The following NMT2 variants were observed in gnomAD, a reference collection of about 807,000 sequenced individuals.
NMT2 encodes the protein glycylpeptide N-tetradecanoyltransferase 2.
In NMT2, 35 loss-of-function variants were observed where a neutral mutation model predicts 65.4. The observed-to-expected ratio is 0.54, with a 90% CI of 0.41 to 0.71. The LOEUF is 0.71. Ranked by LOEUF, NMT2 falls within the 30% of genes least tolerant of loss-of-function variation. The probability of loss-of-function intolerance (pLI) is 0.00; values close to 1 mark genes in which losing one functional copy is unlikely to be tolerated. For missense variants in NMT2, 489 were observed against 611.3 expected (o/e 0.80, Z 2.11); for synonymous variants, 226 against 231.8 (o/e 0.98, Z 0.23).
chr10:15,140,982 C>G (rs1346333777), intron 2 of NMT2: 2 of 1,550,732 alleles, frequency 1.3e-6, no homozygotes, highest in South Asian at 2.4e-5. Flanking sequence ...CAACGAGAGA[C>G]TTACCCATGG....
At chr10:15,161,226 TG>T (rs1564593896) in intron 1 of NMT2, among the ~76,000 whole-genome samples, 2 of 151,902 alleles carry the variant, frequency 1.3e-5, no homozygotes, top group Admixed American at 1.3e-4. Flanking sequence ...CTATGTATTA[TG>T]TGGGAGGGGA....
chr10:15,141,202 G>A (rs1391167751), intron 2 of NMT2: 1 of 787,816 alleles, frequency 1.3e-6, no homozygotes, highest in Non-Finnish European at 2.0e-6. Flanking sequence ...GAAAAACACA[G>A]CAGGTATCCA....
chr10:15,125,698 C>T (rs75564425), intron 8 of NMT2, among the ~76,000 whole-genome samples: 3,230 of 152,212 alleles, frequency 0.021, 108 homozygotes, highest in African/African-American at 0.073. Flanking sequence ...GATGGAGTCT[C>T]GCTCTGTGGC....
At chr10:15,110,141 C>G (rs55730119) in intron 10 of NMT2, among the ~76,000 whole-genome samples, 11,561 of 152,144 alleles carry the variant, frequency 0.076, 605 homozygotes, top group East Asian at 0.17. Context: ...GATGTGGTGG[C>G]GCACACCTGC....
At chr10:15,127,577 AAT>A (rs1254955432) in intron 8 of NMT2, among the ~76,000 whole-genome samples, 38 of 73,010 alleles carry the variant, frequency 5.2e-4, no homozygotes, top group South Asian at 1.2e-3. Flanking sequence ...AAAATAAATA[AAT>A]AAATAAATAA....
intron 8 of NMT2, among the ~76,000 whole-genome samples, chr10:15,125,526 T>C (rs1024984563): frequency 6.6e-6 from 1 of 152,230 alleles, no homozygotes; most frequent in African/African-American, 2.4e-5. Flanking sequence ...GTCTTTTCCT[T>C]GTACATAAGC....
At chr10:15,144,468 A>T (rs1358613212) in intron 1 of NMT2, among the ~76,000 whole-genome samples, 1 of 152,226 alleles carries the variant, frequency 6.6e-6, no homozygotes, top group Non-Finnish European at 1.5e-5. Context: ...GCAGTGGCTC[A>T]CGCCTGTAAT....
At chr10:15,137,305 G>A (rs1230709749) in intron 2 of NMT2, among the ~76,000 whole-genome samples, 1 of 152,064 alleles carries the variant, frequency 6.6e-6, no homozygotes, top group East Asian at 1.9e-4. Context: ...CTGCTTGGAA[G>A]TCTCACAGCA....
At chr10:15,141,590 A>G (rs764863347) in intron 1 of NMT2, 33 bp from the exon 2 acceptor site, 1 of 1,569,844 alleles carries the variant, frequency 6.4e-7, no homozygotes. Flanking sequence ...GAAACCAACC[A>G]ACAAACAAAA....
intron 1 of NMT2, among the ~76,000 whole-genome samples, chr10:15,143,536 A>T (rs1055717950): frequency 1.8e-4 from 28 of 152,242 alleles, no homozygotes; most frequent in African/African-American, 5.8e-4. Context: ...CAACTGGATG[A>T]AAATATATTT....
At chr10:15,161,991 G>A (rs1041819383) in intron 1 of NMT2, among the ~76,000 whole-genome samples, 7 of 152,146 alleles carry the variant, frequency 4.6e-5, no homozygotes, top group African/African-American at 1.4e-4. Context: ...GGTGGCTCAC[G>A]CCTGTAGTCC....
chr10:15,114,947 A>G (rs1845696367), intron 9 of NMT2, among the ~76,000 whole-genome samples: 1 of 152,208 alleles, frequency 6.6e-6, no homozygotes, highest in Admixed American at 6.5e-5. Flanking sequence ...GGTTGCAGTG[A>G]GCAGAGATTG....
intron 7 of NMT2, 129 bp downstream of exon 7, chr10:15,130,013 C>T (rs539403333): frequency 3.0e-6 from 2 of 658,796 alleles, no homozygotes; most frequent in Admixed American, 3.2e-5. Context: ...AGAAAGAATA[C>T]TGGACTTGGT....
At chr10:15,139,409 C>T (rs934958126) in intron 2 of NMT2, among the ~76,000 whole-genome samples, 1 of 151,916 alleles carries the variant, frequency 6.6e-6, no homozygotes, top group Non-Finnish European at 1.5e-5. Flanking sequence ...TCATAAGTGA[C>T]CAGAGAGAGG....
chr10:15,128,304 C>T (rs748713902), intron 8 of NMT2, 46 bp downstream of exon 8: 42 of 1,040,670 alleles, frequency 4.0e-5, no homozygotes, highest in Non-Finnish European at 5.3e-5. Flanking sequence ...GCATTAAAAG[C>T]GTCAGTTGTT....
At chr10:15,127,365 G>A (rs541040762) in intron 8 of NMT2, among the ~76,000 whole-genome samples, 1 of 151,238 alleles carries the variant, frequency 6.6e-6, no homozygotes, top group South Asian at 2.1e-4. Flanking sequence ...GGCTAACATG[G>A]TGAAACCCCG....
rs771424053 is a variant in NMT2 at position 15,128,419 on chromosome 10, T to G, written c.930A>C (p.Glu310Asp). Residue 310 changes from glutamate to aspartate, a missense_variant, in exon 8 of 12, where the codon GAA (glutamate) becomes GAC (aspartate). Physicochemically the swap from Glu to Asp is conservative, Grantham distance 45. Transcript: ENST00000378165. ...TTCTACTCAAGTGAGAAAATTTCAC[T>G]TCTACCAATTTTCTGGGGTTTAGTG... ...HRSLNPRKLV[E>D]VKFSHLSRNM... 6 of 1,611,104 alleles carry G rather than the reference T, an allele frequency of 3.7e-6. No individual in the cohort carries two copies. The South Asian group carries it at 6.6e-5, about 18-fold the overall frequency.
At position 15,113,104 on chromosome 10, in the gene NMT2, C is replaced by G. The variant is rs11259495; in HGVS notation, c.1171-141G>C. Reference sequence around the variant, plus strand: ...CTTTCTCGGCAGTCCAATTTGGGGCCCCTTATATTGTGCTGTGTAGAGGCC... The same window carrying G: ...CTTTCTCGGCAGTCCAATTTGGGGCGCCTTATATTGTGCTGTGTAGAGGCC... On this transcript the variant is annotated intron_variant, in intron 9 of 11. Coordinates refer to ENST00000378165, the MANE Select transcript of NMT2 (RefSeq NM_004808.3). 6.7e-3 allele frequency: 5,666 copies of G among 842,256 alleles called. 220 individuals carry two copies. In the African/African-American group the frequency reaches 0.085, roughly 13 times the overall value. 52.2% of individuals were successfully genotyped at this position (842,256 alleles called of 1,614,324 possible).
At chr10:15,144,902 A>G (rs1846909983) in intron 1 of NMT2, among the ~76,000 whole-genome samples, 2 of 152,226 alleles carry the variant, frequency 1.3e-5, no homozygotes, top group South Asian at 4.1e-4. Context: ...TCGTAAGTAC[A>G]TAACCAAGAG....
Sources: gnomAD v4.1 joint callset for allele counts (sites outside exome capture counted in the v4.1 genomes callset) on GRCh38, gnomAD v4.1.1 for gene constraint, MANE v1.5 for transcripts, NCBI Gene and HGNC (gene_info 2026-07-23, HGNC 2026-07-21) for gene names.